PLCG2: variants seen among roughly 807,000 people sequenced by gnomAD.
PLCG2 encodes 1-phosphatidylinositol 4,5-bisphosphate phosphodiesterase gamma-2.
Under a neutral mutation model 175.6 loss-of-function variants are expected in PLCG2, and 69 were observed. The observed-to-expected ratio is 0.39, with a 90% confidence interval of 0.32 to 0.48. The LOEUF is 0.48. Ranked by LOEUF, PLCG2 falls within the 20% of genes least tolerant of loss-of-function variation. The pLI is 0.91. For missense variants in PLCG2, 1,798 were observed against 1,650.9 expected (o/e 1.09, Z -1.54); for synonymous variants, 827 against 624.0 (o/e 1.33, Z -4.85).
intron 30 of PLCG2, among the ~76,000 whole-genome samples, chr16:81,943,616 C>G (rs1403767206): frequency 6.6e-6 from 1 of 152,184 alleles, no homozygotes; most frequent in African/African-American, 2.4e-5. Context: ...TGCAGAATCT[C>G]AGGCCTCACC....
chr16:81,746,011 C>T (rs762743507), intron 1 of PLCG2, among the ~76,000 whole-genome samples: 12 of 152,188 alleles, frequency 7.9e-5, no homozygotes, highest in Non-Finnish European at 1.6e-4. Context: ...GGAGGAAGAA[C>T]AAGGGTGCAC....
intron 25 of PLCG2, 36 bp downstream of exon 25, chr16:81,931,690 G>A: frequency 1.3e-6 from 2 of 1,597,188 alleles, no homozygotes; most frequent in Non-Finnish European, 1.7e-6. Context: ...GGTGGGCCTG[G>A]CATTCTGAGG....
chr16:81,844,513 G>A (rs1009873183), intron 2 of PLCG2, among the ~76,000 whole-genome samples: 1 of 151,818 alleles, frequency 6.6e-6, no homozygotes, highest in Non-Finnish European at 1.5e-5. Context: ...GTAGAGACAG[G>A]GTTTTGCCAT....
intron 2 of PLCG2, among the ~76,000 whole-genome samples, chr16:81,787,982 G>T (rs1383837042): frequency 6.6e-6 from 1 of 152,140 alleles, no homozygotes; most frequent in Admixed American, 6.5e-5. Flanking sequence ...CGGACCCTTG[G>T]GTTGTTGCCA....
At chr16:81,925,770 C>G (rs1230884662) in intron 22 of PLCG2, among the ~76,000 whole-genome samples, 2 of 152,078 alleles carry the variant, frequency 1.3e-5, no homozygotes, top group African/African-American at 2.4e-5. Flanking sequence ...TGCCATAATC[C>G]CAGCTACTGG....
chr16:81,957,391 C>T (rs1009067038), intron 32 of PLCG2, among the ~76,000 whole-genome samples: 3 of 152,302 alleles, frequency 2.0e-5, no homozygotes, highest in Non-Finnish European at 4.4e-5. Context: ...ATACCTTAGG[C>T]GCTTGCCACT....
At chr16:81,899,053 C>T (rs1909021870) in intron 13 of PLCG2, among the ~76,000 whole-genome samples, 1 of 151,876 alleles carries the variant, frequency 6.6e-6, no homozygotes, top group Admixed American at 6.6e-5. Context: ...ACTGGGCATG[C>T]TGGCAGATAC....
chr16:81,835,974 T>C (rs181751301), intron 2 of PLCG2, among the ~76,000 whole-genome samples: 105 of 152,296 alleles, frequency 6.9e-4, no homozygotes, highest in African/African-American at 2.3e-3. Context: ...CATGAGCTCA[T>C]CTTGACTACA....
chr16:81,818,111 A>T (rs1904632846), intron 2 of PLCG2, among the ~76,000 whole-genome samples: 1 of 152,044 alleles, frequency 6.6e-6, no homozygotes, highest in African/African-American at 2.4e-5. Context: ...TACAACACCT[A>T]CTTTACAGGG....
rs1448767010 is a variant in PLCG2 at position 81,889,164 on chromosome 16, A to T, written c.766-8A>T. 2 of 1,553,328 alleles carry T rather than the reference A, an allele frequency of 1.3e-6. No individual in the cohort carries two copies. The highest frequency in any genetic ancestry group is 4.5e-5 in the East Asian group (2 of 44,448). Reference sequence around the variant, plus strand: ...TTGCTGATCTCTCGTTCTCTTTGTCATTTTAAGGAGCATTGGGCTCAGGAT... The same window carrying T: ...TTGCTGATCTCTCGTTCTCTTTGTCTTTTTAAGGAGCATTGGGCTCAGGAT... On this transcript the variant is annotated splice_region_variant and splice_polypyrimidine_tract_variant and intron_variant, in intron 9 of 32. Coordinates refer to ENST00000564138, the MANE Select transcript of PLCG2 (RefSeq NM_002661.5).
At chr16:81,912,774 G>C (rs142863579) in intron 19 of PLCG2, 58 bp downstream of exon 19, 1 of 1,503,692 alleles carries the variant, frequency 6.7e-7, no homozygotes, top group African/African-American at 1.4e-5. Flanking sequence ...GGACAGATGC[G>C]GAGAGACAAG....
intron 2 of PLCG2, among the ~76,000 whole-genome samples, chr16:81,808,912 A>G (rs1334247941): frequency 6.6e-6 from 1 of 152,304 alleles, no homozygotes; most frequent in East Asian, 1.9e-4. Context: ...CAGGGGAGAC[A>G]TGAGCTTGGT....
chr16:81,832,969 A>G (rs902693405), intron 2 of PLCG2, among the ~76,000 whole-genome samples: 2 of 152,208 alleles, frequency 1.3e-5, no homozygotes, highest in Non-Finnish European at 2.9e-5. Flanking sequence ...TGCTGGGGCC[A>G]TGACAGTAAC....
chr16:81,788,257 G>T (rs1911071884), intron 2 of PLCG2, among the ~76,000 whole-genome samples: 2 of 152,090 alleles, frequency 1.3e-5, no homozygotes, highest in South Asian at 2.1e-4. Flanking sequence ...CTTCCTGAAG[G>T]TTTATTTCTG....
intron 9 of PLCG2, among the ~76,000 whole-genome samples, chr16:81,883,963 G>A (rs1370952875): frequency 6.6e-6 from 1 of 152,200 alleles, no homozygotes; most frequent in East Asian, 1.9e-4. Flanking sequence ...GCGTGTCACA[G>A]CGGGAGGCTG....
At chr16:81,920,622 A>G (rs1910020754) in intron 20 of PLCG2, among the ~76,000 whole-genome samples, 1 of 152,170 alleles carries the variant, frequency 6.6e-6, no homozygotes, top group Non-Finnish European at 1.5e-5. Flanking sequence ...CTCTAGGTAC[A>G]GGAGTGGCCA....
chr16:81,805,100 AACCTTT>A (rs1277597151), intron 2 of PLCG2, among the ~76,000 whole-genome samples: 1 of 152,208 alleles, frequency 6.6e-6, no homozygotes, highest in East Asian at 1.9e-4. Context: ...TGTGCCAGAA[AACCTTT>A]AGGTTAAGAG....
At chr16:81,873,163 C>T (rs776204414) in intron 7 of PLCG2, among the ~76,000 whole-genome samples, 1 of 152,198 alleles carries the variant, frequency 6.6e-6, no homozygotes, top group African/African-American at 2.4e-5. Context: ...TCTAGACCCA[C>T]TTGACCTCTA....
chr16:81,820,083 T>C (rs955256423), intron 2 of PLCG2, among the ~76,000 whole-genome samples: 4 of 152,218 alleles, frequency 2.6e-5, no homozygotes, highest in African/African-American at 9.6e-5. Flanking sequence ...TCTTTAAGGA[T>C]TATGATCTTT....
Sources: allele counts gnomAD v4.1 joint callset (sites outside exome capture counted in the v4.1 genomes callset), GRCh38; gene constraint gnomAD v4.1.1; transcripts MANE v1.5; gene names NCBI Gene and HGNC (gene_info 2026-07-23, HGNC 2026-07-21).